Variants in ADAMTS17 observed in about 807,000 individuals in gnomAD.
ADAMTS17 encodes ADAM metallopeptidase with thrombospondin type 1 motif 17, also known as A disintegrin and metalloproteinase with thrombospondin motifs 17.
ADAMTS17 carries 113 observed loss-of-function variants against 141.5 expected under a neutral mutation model. The ratio of observed to expected loss-of-function variants is 0.80; its 90% CI spans 0.69 to 0.93. The LOEUF is 0.93. Ranked by LOEUF, ADAMTS17 falls within the 40% of genes least tolerant of loss-of-function variation. The pLI, the probability that ADAMTS17 is intolerant of heterozygous loss-of-function variation, is 0.00. For synonymous variants in ADAMTS17, 768 were observed against 630.6 expected (o/e 1.22, Z -3.27); for missense variants, 1,659 against 1,517.9 (o/e 1.09, Z -1.54).
At chr15:100,047,931 GC>G (rs760822500) in intron 18 of ADAMTS17, among the ~76,000 whole-genome samples, 4 of 152,216 alleles carry the variant, frequency 2.6e-5, no homozygotes, top group Admixed American at 6.5e-5. Flanking sequence ...TCTTAATTTG[GC>G]AAGGAGCACA....
intron 15 of ADAMTS17, among the ~76,000 whole-genome samples, chr15:100,068,510 G>T (rs2033723796): frequency 6.6e-6 from 1 of 152,218 alleles, no homozygotes; most frequent in South Asian, 2.1e-4. Flanking sequence ...CCCAGTAGGG[G>T]CAGACTGACA....
At chr15:100,313,643 G>C (rs1185919013) in intron 3 of ADAMTS17, among the ~76,000 whole-genome samples, 1 of 152,232 alleles carries the variant, frequency 6.6e-6, no homozygotes, top group Non-Finnish European at 1.5e-5. Flanking sequence ...TAATGGGACA[G>C]ACATACAGCA....
At chr15:99,974,633 G>A (rs911713598) in intron 21 of ADAMTS17, 71 bp from the exon 22 acceptor site, 8 of 1,597,484 alleles carry the variant, frequency 5.0e-6, no homozygotes, top group Non-Finnish European at 6.9e-6. Context: ...GGCACAGGGA[G>A]GGCTTGTGGT....
rs749576062 is a variant in ADAMTS17 at position 100,048,856 on chromosome 15, C to T, written c.2591+1G>A. On this transcript the variant is annotated splice_donor_variant, in intron 18 of 21. Coordinates refer to ENST00000268070, the MANE Select transcript of ADAMTS17 (RefSeq NM_139057.4). LOFTEE classifies it high-confidence loss of function. ...CCAAGCTACAGAACCCAGCTTCTTA[C>T]CGTGACTGGCAGGGGTGCAAGTTGC... 6.2e-7 allele frequency: 1 copy of T among 1,614,196 alleles called. No homozygotes were observed. Among genetic ancestry groups the T allele is most frequent in the East Asian group, 2.2e-5 (1 of 44,880 alleles).
rs181080663 is a variant in ADAMTS17, at chr15:100,007,878, G to C, written c.2592-10289C>G. ...ACCAAAGGTAAGAAGGGATCATCCAGACAGCGCAGACACAGAGAAGACAGC... is the reference window on the plus strand; with the variant it reads ...ACCAAAGGTAAGAAGGGATCATCCACACAGCGCAGACACAGAGAAGACAGC... On this transcript the variant is annotated intron_variant, in intron 18 of 21. Coordinates refer to ENST00000268070, the MANE Select transcript of ADAMTS17 (RefSeq NM_139057.4). Among the ~76,000 whole-genome samples, 13 of 152,260 alleles carry C rather than the reference G, an allele frequency of 8.5e-5. 1 individual carries two copies. The East Asian group carries it at 2.5e-3, about 29-fold the overall frequency.
intron 3 of ADAMTS17, among the ~76,000 whole-genome samples, chr15:100,299,634 T>G (rs1733208447): frequency 6.6e-6 from 1 of 152,122 alleles, no homozygotes; most frequent in South Asian, 2.1e-4. Context: ...AATCGACGGC[T>G]TCTCTGCACC....
chr15:100,221,741 G>C (rs1191640685), intron 7 of ADAMTS17, among the ~76,000 whole-genome samples: 1 of 152,210 alleles, frequency 6.6e-6, no homozygotes, highest in Non-Finnish European at 1.5e-5. Flanking sequence ...TCTGGGACAG[G>C]TTTGCCGGGT....
intron 18 of ADAMTS17, among the ~76,000 whole-genome samples, chr15:100,003,921 A>G (rs1596204004): frequency 6.6e-6 from 1 of 150,652 alleles, no homozygotes; most frequent in East Asian, 1.9e-4. Context: ...AAGAAGATAG[A>G]AAAGTTCTGT....
chr15:100,095,696 A>G (rs1015931966), intron 15 of ADAMTS17, among the ~76,000 whole-genome samples: 1 of 152,102 alleles, frequency 6.6e-6, no homozygotes, highest in Non-Finnish European at 1.5e-5. Flanking sequence ...TTTCTTAAAC[A>G]TTGTCCTCCA....
At chr15:100,227,156 G>C (rs1375379692) in intron 7 of ADAMTS17, among the ~76,000 whole-genome samples, 2 of 152,094 alleles carry the variant, frequency 1.3e-5, no homozygotes, top group Non-Finnish European at 2.9e-5. Context: ...AGATCTCGCT[G>C]TTCAAATCCA....
chr15:100,219,596 A>T (rs78911288), intron 7 of ADAMTS17, among the ~76,000 whole-genome samples: 7,655 of 152,194 alleles, frequency 0.05, 434 homozygotes, highest in African/African-American at 0.14. Flanking sequence ...GTTCGAGGCA[A>T]ACTGCCTCCT....
chr15:100,163,777 G>C (rs139938260), intron 8 of ADAMTS17, among the ~76,000 whole-genome samples: 102 of 152,310 alleles, frequency 6.7e-4, no homozygotes, highest in African/African-American at 2.3e-3. Flanking sequence ...AGTTTTCAAA[G>C]ATCATTTGGA....
chr15:100,084,688 T>C (rs1006026775), intron 15 of ADAMTS17, among the ~76,000 whole-genome samples: 12 of 152,114 alleles, frequency 7.9e-5, no homozygotes, highest in Non-Finnish European at 1.8e-4. Flanking sequence ...AATTCACCAA[T>C]AGGCGCTGTT....
chr15:100,217,750 G>C (rs2042013894), intron 7 of ADAMTS17, among the ~76,000 whole-genome samples: 1 of 152,168 alleles, frequency 6.6e-6, no homozygotes, highest in South Asian at 2.1e-4. Flanking sequence ...AAAGTGAAAA[G>C]GTTCCCACAG....
intron 4 of ADAMTS17, among the ~76,000 whole-genome samples, chr15:100,276,842 C>T (rs1004557843): frequency 2.6e-5 from 4 of 152,104 alleles, no homozygotes; most frequent in Admixed American, 6.5e-5. Flanking sequence ...CTAAAACAGC[C>T]GCAGGCAGGA....
intron 15 of ADAMTS17, among the ~76,000 whole-genome samples, chr15:100,068,209 G>A (rs1191073462): frequency 6.6e-6 from 1 of 152,174 alleles, no homozygotes; most frequent in Non-Finnish European, 1.5e-5. Context: ...TGGGGGAGGG[G>A]CGCCCGCCAT....
intron 8 of ADAMTS17, among the ~76,000 whole-genome samples, chr15:100,192,002 CTATAAA>C (rs1596236931): frequency 6.6e-6 from 1 of 152,008 alleles, no homozygotes; most frequent in Admixed American, 6.6e-5. Context: ...CTCATGTAAC[CTATAAA>C]TATATATACC....
chr15:100,132,086 GGCTCCAGTCTCCGTCCACAT>G lies in ADAMTS17; in HGVS notation c.1622_1641del (p.His541ProfsTer24). ...CTGCACATGCTCCAGGCGCCCCACG[GGCTCCAGTCTCCGTCCACAT>G]GCTCCGGGATGGGCGTCTTGCTCAC... On this transcript the variant is annotated frameshift_variant, in exon 12 of 22. Transcript: ENST00000268070. LOFTEE classifies it high-confidence loss of function. 6.2e-7 allele frequency: 1 copy of G among 1,614,134 alleles called. No individual in the cohort carries two copies. Among genetic ancestry groups the G allele is most frequent in the Non-Finnish European group, 8.5e-7 (1 of 1,180,026 alleles).
intron 8 of ADAMTS17, among the ~76,000 whole-genome samples, chr15:100,196,468 C>T (rs1418539577): frequency 2.0e-5 from 3 of 152,228 alleles, no homozygotes; most frequent in African/African-American, 7.2e-5. Context: ...AGGGTAGCTG[C>T]TTACACCAAT....
Sources: gnomAD v4.1 joint callset for allele counts (sites outside exome capture counted in the v4.1 genomes callset) on GRCh38, gnomAD v4.1.1 for gene constraint, MANE v1.5 for transcripts, NCBI Gene and HGNC (gene_info 2026-07-23, HGNC 2026-07-21) for gene names.